The following NBAS variants were observed in gnomAD, a reference collection of about 807,000 sequenced individuals.
The protein encoded by NBAS is NBAS subunit of NRZ tethering complex.
In NBAS, 219 loss-of-function variants were observed where a neutral mutation model predicts 302.5. The observed-to-expected ratio is 0.72, with a 90% CI of 0.65 to 0.81. The LOEUF (loss-of-function observed/expected upper bound fraction) is 0.81. NBAS is among the 30% of genes least tolerant of loss of function. NBAS has a pLI of 0.00. For missense variants in NBAS, 2,932 were observed against 2,841.6 expected, an observed-to-expected ratio of 1.03 and a Z score of -0.72; for synonymous variants, 1,118 against 1,021.6, an observed-to-expected ratio of 1.09 and a Z score of -1.80.
chr2:15,318,160 G>A (rs1287161133), intron 38 of NBAS, among the ~76,000 whole-genome samples: 1 of 152,082 alleles, frequency 6.6e-6, no homozygotes, highest in Non-Finnish European at 1.5e-5. Flanking sequence ...GCTTCATAAG[G>A]GAAGGAGAAA....
the NBAS span, among the ~76,000 whole-genome samples, chr2:15,059,693 A>G: frequency 3.9e-5 from 6 of 152,170 alleles, no homozygotes; most frequent in East Asian, 1.9e-4. Flanking sequence ...CATGTTGGAG[A>G]GAGGTCTAGA....
At chr2:15,393,852 AC>A (rs1003326340) in intron 28 of NBAS, 26 of 399,576 alleles carry the variant, frequency 6.5e-5, no homozygotes, top group Non-Finnish European at 1.1e-4. Flanking sequence ...AAACACACAA[AC>A]AAAAAAGTTA....
the NBAS span, among the ~76,000 whole-genome samples, chr2:15,072,293 C>T: frequency 6.6e-6 from 1 of 152,050 alleles, no homozygotes; most frequent in African/African-American, 2.4e-5. Context: ...TATTTATTGG[C>T]CATTTGTATT....
At chr2:15,074,396 G>T in the NBAS span, among the ~76,000 whole-genome samples, 1 of 142,504 alleles carries the variant, frequency 7.0e-6, no homozygotes. Flanking sequence ...GATGGAAGGA[G>T]GGGGGGAGGG....
At chr2:15,345,734 C>CA (rs1266707818) in intron 35 of NBAS, among the ~76,000 whole-genome samples, 2 of 152,172 alleles carry the variant, frequency 1.3e-5, no homozygotes, top group Admixed American at 6.5e-5. Context: ...CTAGAGGCAT[C>CA]ATGCTACCTG....
At chr2:15,398,837 G>A (rs982273138) in intron 26 of NBAS, among the ~76,000 whole-genome samples, 2 of 152,080 alleles carry the variant, frequency 1.3e-5, no homozygotes, top group Non-Finnish European at 2.9e-5. Context: ...AACATGAAAT[G>A]CAATCATTAA....
At chr2:15,086,834 T>C in the NBAS span, among the ~76,000 whole-genome samples, 5 of 152,210 alleles carry the variant, frequency 3.3e-5, no homozygotes, top group Admixed American at 6.5e-5. Context: ...TCAAATATTA[T>C]TCTGGATGTT....
At chr2:14,952,608 G>A in the NBAS span, among the ~76,000 whole-genome samples, 1 of 152,198 alleles carries the variant, frequency 6.6e-6, no homozygotes, top group Non-Finnish European at 1.5e-5. Flanking sequence ...CCTGTTTGGG[G>A]CGTTTTTCAT....
At chr2:15,013,664 A>G in the NBAS span, among the ~76,000 whole-genome samples, 1 of 152,034 alleles carries the variant, frequency 6.6e-6, no homozygotes, top group Non-Finnish European at 1.5e-5. Context: ...CACATCTGTA[A>G]TCTCATCTAC....
intron 38 of NBAS, among the ~76,000 whole-genome samples, chr2:15,326,405 T>G (rs1672068873): frequency 6.6e-6 from 1 of 152,218 alleles, no homozygotes. Flanking sequence ...TTTTGGTTAT[T>G]ACTTCAGTCC....
chr2:15,431,610 T>C (rs554976836), intron 21 of NBAS, among the ~76,000 whole-genome samples: 1 of 152,164 alleles, frequency 6.6e-6, no homozygotes, highest in Admixed American at 6.5e-5. Flanking sequence ...AATGATCTCA[T>C]GGATATCACA....
At chr2:15,356,174 A>C in intron 33 of NBAS, 129 bp downstream of exon 33, 1 of 755,164 alleles carries the variant, frequency 1.3e-6, no homozygotes, top group Non-Finnish European at 2.4e-6. Flanking sequence ...ACCAGTGCTC[A>C]TAAAATGTAT....
chr2:15,224,124 C>G (rs1349610466), intron 47 of NBAS, among the ~76,000 whole-genome samples: 2 of 152,120 alleles, frequency 1.3e-5, no homozygotes, highest in Non-Finnish European at 2.9e-5. Flanking sequence ...CATTGAATGA[C>G]TAATTTGAGA....
Position 15,511,201 on chromosome 2 carries a change from C to T in NBAS, c.885+11G>A, listed in dbSNP as rs1280749845. ...CACATAGCAAAGTGAAGTGCCATAA[C>T]TCATACTTACTGCAGTAACCCCGTC... On this transcript the variant is annotated intron_variant, in intron 10 of 51. Coordinates refer to ENST00000281513, the MANE Select transcript of NBAS (RefSeq NM_015909.4). 3.1e-6 allele frequency: 5 copies of T among 1,613,974 alleles called. No homozygotes were observed. The highest frequency in any genetic ancestry group is 2.2e-5 in the East Asian group (1 of 44,850).
intron 21 of NBAS, among the ~76,000 whole-genome samples, chr2:15,441,310 G>T (rs1235830413): frequency 6.6e-6 from 1 of 152,044 alleles, no homozygotes. Flanking sequence ...CGGATCTCTC[G>T]GCAGAAACTC....
intron 9 of NBAS, among the ~76,000 whole-genome samples, chr2:15,522,151 CT>C (rs1429737688): frequency 6.6e-6 from 1 of 152,110 alleles, no homozygotes; most frequent in Non-Finnish European, 1.5e-5. Flanking sequence ...CAGAGTAGTA[CT>C]TTAAGACCTG....
the NBAS span, among the ~76,000 whole-genome samples, chr2:15,153,952 G>A: frequency 6.6e-6 from 1 of 152,176 alleles, no homozygotes; most frequent in Non-Finnish European, 1.5e-5. Flanking sequence ...GAAATAAAGG[G>A]CTCTTGAGGC....
chr2:15,267,811 CT>C (rs1669145366), intron 44 of NBAS, among the ~76,000 whole-genome samples: 1 of 152,090 alleles, frequency 6.6e-6, no homozygotes, highest in Non-Finnish European at 1.5e-5. Flanking sequence ...GTAAAATTAA[CT>C]TACTTATAAA....
the NBAS span, among the ~76,000 whole-genome samples, chr2:14,910,750 T>C: frequency 6.6e-6 from 1 of 152,246 alleles, no homozygotes; most frequent in South Asian, 2.1e-4. Context: ...TAATATCTGA[T>C]TTTCCCCACA....
Sources: gnomAD v4.1 joint callset for allele counts (sites outside exome capture counted in the v4.1 genomes callset) on GRCh38, gnomAD v4.1.1 for gene constraint, MANE v1.5 for transcripts, NCBI Gene and HGNC (gene_info 2026-07-23, HGNC 2026-07-21) for gene names.